VARS1: variants seen among roughly 807,000 people sequenced by gnomAD.
VARS1 encodes valine--tRNA ligase.
In VARS1, 92 loss-of-function variants were observed where a neutral mutation model predicts 161.0. The ratio of observed to expected loss-of-function variants is 0.57; its 90% confidence interval spans 0.48 to 0.68. The LOEUF is 0.68. Among genes scored for constraint, VARS1 ranks in the 30% least tolerant of loss-of-function variants. The pLI, the probability that VARS1 is intolerant of heterozygous loss-of-function variation, is 0.00. For synonymous variants in VARS1, 595 were observed against 682.5 expected, an observed-to-expected ratio of 0.87 and a Z score of 2.00; for missense variants, 1,338 against 1,695.9, an observed-to-expected ratio of 0.79 and a Z score of 3.71.
chr6:31,782,474 C>T lies in VARS1; in HGVS notation c.1992-31G>A, dbSNP rs937136570. On this transcript the variant is annotated intron_variant, in intron 16 of 29. Transcript: ENST00000375663. The surrounding 1 kb of genome is among the most constrained non-coding windows in gnomAD (Gnocchi z 8.3). ...GGTACACGTAGGTGAGAAGGCCAGG[C>T]GGTAAAACCCTGAGGAGCCCTCCAT... 10 of 1,611,832 alleles carry T rather than the reference C, an allele frequency of 6.2e-6. No individual in the cohort carries two copies. Among genetic ancestry groups the T allele is most frequent in the Admixed American group, 1.7e-5 (1 of 59,916 alleles).
In VARS1 at chr6:31,780,422, C is replaced by A; in HGVS notation, c.2925+19G>T. 1 of 1,607,030 alleles carries A rather than the reference C, an allele frequency of 6.2e-7. No individual in the cohort carries two copies. Among genetic ancestry groups the A allele is most frequent in the Non-Finnish European group, 8.5e-7 (1 of 1,176,460 alleles). ...GCCTGTGTGAGTGCTGCCAGCTTTG[C>A]TGCCCACCAGGCCCTTACCTGGGAG... On this transcript the variant is annotated intron_variant, in intron 25 of 29. Transcript: ENST00000375663. The surrounding 1 kb of genome is among the most constrained non-coding windows in gnomAD (Gnocchi z 5.1).
chr6:31,795,034 G>C lies in VARS1; in HGVS notation c.184C>G (p.Gln62Glu), dbSNP rs777468321. ...CACACCCAGAGCCCACCGGGCCCCT[G>C]CTCCAGGGCCGGCAGGCGGGGTGGG... ...FPPPRLPALEQGPGGLWVWGA... is the reference protein window; with the variant it reads ...FPPPRLPALEEGPGGLWVWGA... The change falls in exon 2 of 30, where the codon CAG becomes GAG. Residue 62 changes from glutamine to glutamate, a missense_variant. Gln to Glu is a conservative substitution (Grantham distance 29, BLOSUM62 2). Around this residue, in one of 3 missense-constraint regions of VARS1, gnomAD observed 902 missense variants for 1,090.3 expected, o/e 0.83. Coordinates refer to ENST00000375663, the MANE Select transcript of VARS1 (RefSeq NM_006295.3). The surrounding 1 kb of genome is among the most constrained non-coding windows in gnomAD (Gnocchi z 6.9). 6.4e-7 allele frequency: 1 copy of C among 1,564,914 alleles called. No homozygotes were observed. The highest frequency in any genetic ancestry group is 8.7e-7 in the Non-Finnish European group (1 of 1,152,196).
At position 31,782,220 on chromosome 6, in the gene VARS1, G is replaced by A. The variant is rs954038887; in HGVS notation, c.2151-43C>T. On this transcript the variant is annotated intron_variant, in intron 17 of 29. Transcript: ENST00000375663. The surrounding 1 kb of genome is among the most constrained non-coding windows in gnomAD (Gnocchi z 8.3). Reference sequence around the variant, plus strand: ...GAGAAATCAGGGAGGGCCTGATGGAGCCTGGCCCGAGTGAGCCCTGCTCAG... The same window carrying A: ...GAGAAATCAGGGAGGGCCTGATGGAACCTGGCCCGAGTGAGCCCTGCTCAG... 2 of 1,611,786 alleles carry A rather than the reference G, an allele frequency of 1.2e-6. No individual in the cohort carries two copies. Among genetic ancestry groups the A allele is most frequent in the Non-Finnish European group, 1.7e-6 (2 of 1,178,834 alleles).
rs954661811 is a variant in VARS1 at position 31,780,715 on chromosome 6, G to A, written c.2787C>T (p.Tyr929=). The change falls in exon 24 of 30, where the codon TAC becomes TAT. Residue 929 remains tyrosine, a synonymous_variant. Transcript: ENST00000375663. The surrounding 1 kb of genome is among the most constrained non-coding windows in gnomAD (Gnocchi z 5.1). ...CTTTGGGGGCCATACCCTGGGACAT[G>A]TAGGCACATAATCCAAACCGGAGAG... ...TDALRFGLCA[Y]MSQGRDINLD... is the part of the protein sequence containing the mutation. 5.7e-5 allele frequency: 92 copies of A among 1,614,060 alleles called. No individual in the cohort carries two copies. The highest frequency in any genetic ancestry group is 7.5e-5 in the Non-Finnish European group (89 of 1,180,038).
rs758858062 is a variant in VARS1 at position 31,783,085 on chromosome 6, C to T, written c.1762+11G>A. The T allele has an allele frequency of 5.0e-6, 8 of 1,611,858 alleles. No individual in the cohort carries two copies. The African/African-American group carries it at 1.1e-4, about 22-fold the overall frequency. ...CTTTTCCTCTCCCCACAGGACCAGC[C>T]CCTTGCCCACCTGTGCCAAAGTCCA... On this transcript the variant is annotated intron_variant, in intron 14 of 29. Transcript: ENST00000375663.
Position 31,779,641 on chromosome 6 carries a change from GC to G in VARS1, c.3254del (p.Ser1085ThrfsTer28), listed in dbSNP as rs754594412. On this transcript the variant is annotated frameshift_variant, in exon 27 of 30. Transcript: ENST00000375663. LOFTEE classifies it high-confidence loss of function. The surrounding 1 kb of genome is among the most constrained non-coding windows in gnomAD (Gnocchi z 9.1). ...GCTCCGGGTAGGGGGTAACACAGAG[GC>G]TAGGGGGAGCTTGCGGCATCCTCCG... Reference protein sequence around the residue: ...LPRRMPQAPPSLCVTPYPEPS... With the variant: ...LPRRMPQAPPXLCVTPYPEPS... 1 of 1,612,780 alleles carries G rather than the reference GC, an allele frequency of 6.2e-7. No homozygotes were observed. Among genetic ancestry groups the G allele is most frequent in the Non-Finnish European group, 8.5e-7 (1 of 1,179,914 alleles).
intron 13 of VARS1, among the ~76,000 whole-genome samples, chr6:31,783,556 C>T (rs1423289532): frequency 6.6e-6 from 1 of 151,742 alleles, no homozygotes; most frequent in Non-Finnish European, 1.5e-5. Flanking sequence ...GGTGCCATGG[C>T]TCACATCTCT....
Position 31,785,586 on chromosome 6 carries a change from G to A in VARS1, c.1248C>T (p.Val416=). 1 of 1,610,840 alleles carries A rather than the reference G, an allele frequency of 6.2e-7. No homozygotes were observed. Among genetic ancestry groups the A allele is most frequent in the Non-Finnish European group, 8.5e-7 (1 of 1,179,040 alleles). Residue 416 remains valine, a synonymous_variant, in exon 9 of 30, where the codon GTC becomes GTT. Coordinates refer to ENST00000375663, the MANE Select transcript of VARS1 (RefSeq NM_006295.3). The surrounding 1 kb of genome is among the most constrained non-coding windows in gnomAD (Gnocchi z 6.1). ...ATACTCACTCCTCCTTCCACTTCCA[G>A]ACTTCCTGTAGAAAGGCCTCGCGGC... ...QLGREAFLQE[V]WKWKEEKGDR...
In VARS1 at chr6:31,795,213, G is replaced by C. The variant is rs145504112; in HGVS notation, c.5C>G (p.Ser2Cys). MSTLYVSPHPDA... is the reference protein window; with the variant it reads MCTLYVSPHPDA... ...TGGGTGAGGGGAGACGTAGAGGGTG[G>C]ACATAGTTATGAGAAGGTCCGAACG... The change falls in exon 2 of 30, where the codon TCC becomes TGC. Residue 2 changes from serine (S) to cysteine (C), a missense_variant. By Grantham distance (112) the Ser-to-Cys change is moderately radical. Around this residue, in one of 3 missense-constraint regions of VARS1, gnomAD observed 902 missense variants for 1,090.3 expected, o/e 0.83. Transcript: ENST00000375663. This position sits in a 1 kb window ranked among gnomAD's most constrained non-coding sequence, Gnocchi z 6.9. 336 of 1,442,580 alleles carry C rather than the reference G, an allele frequency of 2.3e-4. 1 individual carries two copies. In the African/African-American group the frequency reaches 4.0e-3, roughly 17 times the overall value. The allele number at this position is 1,442,580 out of a possible 1,614,324, so 89.4% of individuals were successfully genotyped here. A position where few individuals can be genotyped will look rare whatever the true frequency, so the allele number is the denominator to read the frequency against.
Position 31,784,154 on chromosome 6 carries a change from C to G in VARS1, c.1671+60G>C. The G allele has an allele frequency of 6.2e-7, 1 of 1,600,130 alleles. No individual in the cohort carries two copies. The highest frequency in any genetic ancestry group is 2.2e-5 in the East Asian group (1 of 44,792). ...GGGCCTAAGTCCAACCCCTCCACCC[C>G]ATAAGGATGGGAGCCCTTTTTGGCC... is the stretch of plus-strand genomic sequence containing the variant. On this transcript the variant is annotated intron_variant, in intron 13 of 29. Transcript: ENST00000375663. This position sits in a 1 kb window ranked among gnomAD's most constrained non-coding sequence, Gnocchi z 6.1.
At chr6:31,783,604 C>T (rs1012010461) in intron 13 of VARS1, among the ~76,000 whole-genome samples, 1 of 152,010 alleles carries the variant, frequency 6.6e-6, no homozygotes, top group African/African-American at 2.4e-5. Context: ...AGGAGGCTTC[C>T]TTGAGGCCAG....
Position 31,791,578 on chromosome 6 carries a change from G to T in VARS1, c.1100+32C>A. 1.3e-6 allele frequency: 2 copies of T among 1,586,960 alleles called. No homozygotes were observed. The highest frequency in any genetic ancestry group is 8.6e-7 in the Non-Finnish European group (1 of 1,166,330). On this transcript the variant is annotated intron_variant, in intron 8 of 29. Coordinates refer to ENST00000375663, the MANE Select transcript of VARS1 (RefSeq NM_006295.3). This position sits in a 1 kb window ranked among gnomAD's most constrained non-coding sequence, Gnocchi z 5.0. The stretch of plus-strand genomic sequence containing the variant: ...AAGGAGAGAGCCAGACTAGGCAGAG[G>T]GAACCAGAGGAAGGTGCAGATAGAA...
In VARS1 at chr6:31,782,516, G is replaced by GC; in HGVS notation, c.1991+13dup. The GC allele has an allele frequency of 6.2e-7, 1 of 1,612,980 alleles. No homozygotes were observed. Among genetic ancestry groups the GC allele is most frequent in the Non-Finnish European group, 8.5e-7 (1 of 1,180,022 alleles). On this transcript the variant is annotated intron_variant, in intron 16 of 29. Transcript: ENST00000375663. The surrounding 1 kb of genome is among the most constrained non-coding windows in gnomAD (Gnocchi z 8.3). ...GCCCTCCATCTTCCTCCCGTCCCAG[G>GC]CCCCCACCCTCACTTGCAAAGTGGC... is the stretch of plus-strand genomic sequence containing the variant.
At position 31,782,945 on chromosome 6, in the gene VARS1, G is replaced by A. The variant is rs533270136; in HGVS notation, c.1763-100C>T. The A allele has an allele frequency of 1.5e-5, 23 of 1,532,674 alleles. No homozygotes were observed. In the African/African-American group the frequency reaches 3.0e-4, roughly 20 times the overall value. 94.9% of individuals were successfully genotyped at this position (1,532,674 alleles called of 1,614,324 possible). A position where few individuals can be genotyped will look rare whatever the true frequency, so the allele number is the denominator to read the frequency against. On this transcript the variant is annotated intron_variant, in intron 14 of 29. Coordinates refer to ENST00000375663, the MANE Select transcript of VARS1 (RefSeq NM_006295.3). The surrounding 1 kb of genome is among the most constrained non-coding windows in gnomAD (Gnocchi z 8.3). Reference sequence around the variant, plus strand: ...AGGATGTAGCTCCGAGACCACTCCTGGCCCCCACTTGTCTAATACAGTCCC... The same window carrying A: ...AGGATGTAGCTCCGAGACCACTCCTAGCCCCCACTTGTCTAATACAGTCCC...
At chr6:31,794,513 TCA>T (rs1424879041) in intron 2 of VARS1, among the ~76,000 whole-genome samples, 3 of 152,218 alleles carry the variant, frequency 2.0e-5, no homozygotes, top group Non-Finnish European at 4.4e-5. Context: ...CTCATCAATT[TCA>T]GACTCATCAA....
Position 31,779,909 on chromosome 6 carries a change from G to A in VARS1, c.3081+89C>T, listed in dbSNP as rs1258510743. On this transcript the variant is annotated intron_variant, in intron 26 of 29. Coordinates refer to ENST00000375663, the MANE Select transcript of VARS1 (RefSeq NM_006295.3). The surrounding 1 kb of genome is among the most constrained non-coding windows in gnomAD (Gnocchi z 9.1). ...CTGGGAAGGGGATGGGTTGGCTTAG[G>A]TCTCAAGGCCAACTCTGGCAAAACT... The A allele has an allele frequency of 1.2e-6, 2 of 1,602,202 alleles. No homozygotes were observed. Among genetic ancestry groups the A allele is most frequent in the Admixed American group, 3.4e-5 (2 of 59,244 alleles).
rs766118254 is a variant in VARS1 at position 31,784,164 on chromosome 6, G to GGA, written c.1671+48_1671+49dup. ...CCAACCCCTCCACCCCATAAGGATG[G>GGA]GAGCCCTTTTTGGCCAGAACTCCTT... On this transcript the variant is annotated intron_variant, in intron 13 of 29. Transcript: ENST00000375663. The surrounding 1 kb of genome is among the most constrained non-coding windows in gnomAD (Gnocchi z 6.1). The GGA allele has an allele frequency of 6.2e-7, 1 of 1,608,276 alleles. No homozygotes were observed. Among genetic ancestry groups the GGA allele is most frequent in the South Asian group, 1.1e-5 (1 of 90,694 alleles).
In VARS1 at chr6:31,785,765, G is replaced by A. The variant is rs1813460750; in HGVS notation, c.1101-32C>T. 1.3e-6 allele frequency: 2 copies of A among 1,583,378 alleles called. No individual in the cohort carries two copies. The highest frequency in any genetic ancestry group is 1.7e-6 in the Non-Finnish European group (2 of 1,169,260). ...GGGGGCATGGAGGACCAGAGGGTGA[G>A]CCAGGCCAGTGGGGCCTGGCACCAA... is the stretch of plus-strand genomic sequence containing the variant. On this transcript the variant is annotated intron_variant, in intron 8 of 29. Coordinates refer to ENST00000375663, the MANE Select transcript of VARS1 (RefSeq NM_006295.3). The surrounding 1 kb of genome is among the most constrained non-coding windows in gnomAD (Gnocchi z 6.1).
rs750209360 is a variant in VARS1, at chr6:31,780,083, T to C, written c.2996A>G (p.Asn999Ser). 2 of 1,614,104 alleles carry C rather than the reference T, an allele frequency of 1.2e-6. No homozygotes were observed. The highest frequency in any genetic ancestry group is 1.7e-6 in the Non-Finnish European group (2 of 1,180,020). ...SRLTEAVRLS[N>S]QGFQAYDFPA... The stretch of plus-strand genomic sequence containing the variant: ...GAAGTCGTAGGCCTGGAAGCCTTGA[T>C]TGCTGAGCCTCACAGCCTCTGTCAG... Residue 999 changes from asparagine to serine, a missense_variant, in exon 26 of 30, where the codon AAT becomes AGT. Coordinates refer to ENST00000375663, the MANE Select transcript of VARS1 (RefSeq NM_006295.3). The surrounding 1 kb of genome is among the most constrained non-coding windows in gnomAD (Gnocchi z 5.1).
Sources: gnomAD v4.1 joint callset for allele counts (sites outside exome capture counted in the v4.1 genomes callset) on GRCh38, gnomAD v4.1.1 for gene constraint, gnomAD v4.1.1 regional missense constraint, Gnocchi (gnomAD v3.1) non-coding constraint, MANE v1.5 for transcripts, NCBI Gene and HGNC (gene_info 2026-07-23, HGNC 2026-07-21) for gene names.